The following MTCL3 variants were observed in gnomAD, a reference collection of about 807,000 sequenced individuals.
The protein encoded by MTCL3 is microtubule cross-linking factor 3.
the MTCL3 span, among the ~76,000 whole-genome samples, chr6:127,512,364 A>G: frequency 6.6e-6 from 1 of 152,206 alleles, no homozygotes; most frequent in African/African-American, 2.4e-5. Context: ...CTGCTGTAAA[A>G]GATCTTCAGG....
At chr6:127,475,491 G>C in the MTCL3 span, 1 of 1,613,602 alleles carries the variant, frequency 6.2e-7, no homozygotes, top group South Asian at 1.1e-5. The surrounding 1 kb of genome is among the most constrained non-coding windows in gnomAD (Gnocchi z 7.3). Flanking sequence ...TGGCCACGTA[G>C]ATGCGCGCCT....
the MTCL3 span, chr6:127,483,112 A>C: frequency 1.5e-6 from 1 of 680,014 alleles, no homozygotes; most frequent in South Asian, 2.7e-5. Context: ...ATAATCATAA[A>C]AGGAGGAAAA....
chr6:127,491,274 C>A, the MTCL3 span, among the ~76,000 whole-genome samples: 1 of 152,176 alleles, frequency 6.6e-6, no homozygotes, highest in African/African-American at 2.4e-5. Context: ...TGCTACAGGG[C>A]AGTCTTTCAT....
the MTCL3 span, among the ~76,000 whole-genome samples, chr6:127,478,744 C>T: frequency 1.6e-4 from 24 of 152,118 alleles, 1 homozygote; most frequent in East Asian, 3.9e-3. Context: ...TATGGCCAGG[C>T]GCGGTCACTC....
chr6:127,507,842 C>CAAAAAAAAAAAAA, the MTCL3 span, among the ~76,000 whole-genome samples: 5 of 82,088 alleles, frequency 6.1e-5, no homozygotes, highest in East Asian at 3.5e-4. Flanking sequence ...GACTATGTCT[C>CAAAAAAAAAAAAA]AAAAAAAAAA....
At chr6:127,479,604 A>G in the MTCL3 span, among the ~76,000 whole-genome samples, 3 of 152,350 alleles carry the variant, frequency 2.0e-5, no homozygotes, top group Admixed American at 6.5e-5. Flanking sequence ...AAAAAAGAGA[A>G]TATCTGATTT....
the MTCL3 span, chr6:127,516,754 G>A: frequency 7.1e-7 from 1 of 1,412,988 alleles, no homozygotes. Context: ...AATTTTTGCA[G>A]AGCAAAGGGT....
the MTCL3 span, among the ~76,000 whole-genome samples, chr6:127,503,939 T>G: frequency 6.6e-6 from 1 of 152,218 alleles, no homozygotes. Flanking sequence ...TTGAAATTAC[T>G]TATTGTTTAT....
the MTCL3 span, chr6:127,481,202 G>A: frequency 7.2e-6 from 5 of 694,860 alleles, no homozygotes; most frequent in African/African-American, 5.8e-5. Context: ...CACAGGAAGT[G>A]TAAGAATAGG....
chr6:127,518,034 T>C, the MTCL3 span, among the ~76,000 whole-genome samples: 187 of 152,332 alleles, frequency 1.2e-3, 1 homozygote, highest in African/African-American at 4.1e-3. Context: ...TAAAGAAATA[T>C]TACCGAAGGG....
the MTCL3 span, chr6:127,475,971 G>C: frequency 6.2e-7 from 1 of 1,611,216 alleles, no homozygotes; most frequent in Non-Finnish European, 8.5e-7. The surrounding 1 kb of genome is among the most constrained non-coding windows in gnomAD (Gnocchi z 7.3). Context: ...TGTCGTGGCC[G>C]CCGGACTTGT....
chr6:127,514,680 G>A, the MTCL3 span: 1 of 659,982 alleles, frequency 1.5e-6, no homozygotes, highest in Non-Finnish European at 2.6e-6. Context: ...TGAGACCCTA[G>A]TATTTTGTGG....
the MTCL3 span, chr6:127,512,943 T>G: frequency 6.2e-7 from 1 of 1,612,672 alleles, no homozygotes. Flanking sequence ...AATTTCAACT[T>G]CTATGAGCTG....
At chr6:127,515,848 T>C in the MTCL3 span, 1 of 1,611,438 alleles carries the variant, frequency 6.2e-7, no homozygotes. The surrounding 1 kb of genome is among the most constrained non-coding windows in gnomAD (Gnocchi z 4.3). Flanking sequence ...GAGCTCAGAC[T>C]GCAGACATCC....
chr6:127,514,320 A>T, the MTCL3 span, among the ~76,000 whole-genome samples: 4 of 152,232 alleles, frequency 2.6e-5, no homozygotes, highest in Non-Finnish European at 5.9e-5. Context: ...AGAAAGGAAG[A>T]AGTCCTGGAA....
the MTCL3 span, among the ~76,000 whole-genome samples, chr6:127,510,548 T>C: frequency 6.6e-6 from 1 of 152,132 alleles, no homozygotes; most frequent in Non-Finnish European, 1.5e-5. Flanking sequence ...AAAATGAAAA[T>C]CAGAAAGCTC....
chr6:127,505,436 G>A, the MTCL3 span, among the ~76,000 whole-genome samples: 5 of 152,162 alleles, frequency 3.3e-5, no homozygotes, highest in Non-Finnish European at 5.9e-5. Flanking sequence ...CAAATACTGC[G>A]TGTTCTCACT....
chr6:127,505,734 C>T, the MTCL3 span, among the ~76,000 whole-genome samples: 1 of 152,066 alleles, frequency 6.6e-6, no homozygotes, highest in Admixed American at 6.5e-5. Flanking sequence ...AAATGTGTAT[C>T]TGGAAAAAAA....
chr6:127,514,820 G>A, the MTCL3 span: 3 of 1,608,282 alleles, frequency 1.9e-6, no homozygotes, highest in East Asian at 6.7e-5. Flanking sequence ...CCGCGCCGCA[G>A]ACCTTGAGGT....
Sources: gnomAD v4.1 joint callset for allele counts (sites outside exome capture counted in the v4.1 genomes callset) on GRCh38, gnomAD v4.1.1 for gene constraint, Gnocchi (gnomAD v3.1) non-coding constraint, MANE v1.5 for transcripts, NCBI Gene and HGNC (gene_info 2026-07-23, HGNC 2026-07-21) for gene names.